Variants in GRM5 observed in about 807,000 individuals in gnomAD.
GRM5 encodes metabotropic glutamate receptor 5.
Under a neutral mutation model 83.1 loss-of-function variants are expected in GRM5, and 19 were observed. That is an observed-to-expected ratio of 0.23 (90% confidence interval 0.16 to 0.34). The LOEUF is 0.34. Among genes scored for constraint, GRM5 ranks in the 10% least tolerant of loss-of-function variants. GRM5 has a pLI of 1.00. For synonymous variants in GRM5, 675 were observed against 633.6 expected, an observed-to-expected ratio of 1.07 and a Z score of -0.98; for missense variants, 1,160 against 1,588.3, an observed-to-expected ratio of 0.73 and a Z score of 4.58.
chr11:88,845,201 C>T (rs759735599), intron 3 of GRM5, among the ~76,000 whole-genome samples: 61 of 152,134 alleles, frequency 4.0e-4, no homozygotes, highest in Non-Finnish European at 6.0e-4. Flanking sequence ...TAAGAAATTG[C>T]CACAGCCACT....
At chr11:88,518,897 A>G (rs1941600270) in intron 9 of GRM5, among the ~76,000 whole-genome samples, 1 of 151,150 alleles carries the variant, frequency 6.6e-6, no homozygotes, top group Non-Finnish European at 1.5e-5. Flanking sequence ...AGGCACTTTT[A>G]TTGAGTGGTT....
At chr11:89,046,142 C>T (rs1024733407) in intron 2 of GRM5, among the ~76,000 whole-genome samples, 9 of 152,090 alleles carry the variant, frequency 5.9e-5, no homozygotes, top group African/African-American at 1.2e-4. Flanking sequence ...ATTCACAGGA[C>T]GGTCAGAGAG....
At chr11:88,739,608 G>C (rs977850558) in intron 3 of GRM5, among the ~76,000 whole-genome samples, 1 of 152,008 alleles carries the variant, frequency 6.6e-6, no homozygotes, top group Non-Finnish European at 1.5e-5. Flanking sequence ...GGGGCGGGTT[G>C]TCCCATGTTG....
At chr11:88,786,032 T>A (rs1424243849) in intron 3 of GRM5, among the ~76,000 whole-genome samples, 1 of 152,158 alleles carries the variant, frequency 6.6e-6, no homozygotes, top group Non-Finnish European at 1.5e-5. Flanking sequence ...ATACATTTTC[T>A]GTTCTCTGCT....
chr11:88,792,318 T>C (rs1014200435), intron 3 of GRM5, among the ~76,000 whole-genome samples: 2 of 152,074 alleles, frequency 1.3e-5, no homozygotes, highest in African/African-American at 4.8e-5. Context: ...ATGAGGAACT[T>C]AGGACATTTA....
intron 3 of GRM5, among the ~76,000 whole-genome samples, chr11:88,665,907 T>C (rs114399301): frequency 1.8e-4 from 28 of 151,528 alleles, no homozygotes; most frequent in African/African-American, 6.8e-4. Flanking sequence ...TATGTGACAA[T>C]TCATTGAAGT....
At chr11:88,596,331 T>C (rs937815423) in intron 6 of GRM5, among the ~76,000 whole-genome samples, 4 of 152,120 alleles carry the variant, frequency 2.6e-5, no homozygotes, top group Non-Finnish European at 5.9e-5. Context: ...TCTTCTTTCT[T>C]GTTTCATAAA....
intron 6 of GRM5, among the ~76,000 whole-genome samples, chr11:88,595,648 T>G (rs2135216555): frequency 6.6e-6 from 1 of 152,340 alleles, no homozygotes; most frequent in South Asian, 2.1e-4. Flanking sequence ...TCCATTCATC[T>G]TGATACTCAA....
intron 2 of GRM5, among the ~76,000 whole-genome samples, chr11:89,036,388 T>C (rs1941387017): frequency 6.6e-6 from 1 of 152,134 alleles, no homozygotes; most frequent in South Asian, 2.1e-4. Flanking sequence ...CTCCACTCCA[T>C]TATGTTGTCA....
At chr11:88,735,369 C>T (rs780924185) in intron 3 of GRM5, among the ~76,000 whole-genome samples, 15 of 152,024 alleles carry the variant, frequency 9.9e-5, no homozygotes, top group Non-Finnish European at 1.6e-4. Context: ...TCAGGATAAA[C>T]GTTTTCTGTG....
At chr11:88,537,820 A>C in intron 8 of GRM5, among the ~76,000 whole-genome samples, 1 of 152,146 alleles carries the variant, frequency 6.6e-6, no homozygotes, top group Non-Finnish European at 1.5e-5. Flanking sequence ...TAAAAACAAA[A>C]ACTGAGCATG....
intron 2 of GRM5, among the ~76,000 whole-genome samples, chr11:88,857,358 A>G (rs1264975349): frequency 6.6e-6 from 1 of 152,106 alleles, no homozygotes; most frequent in Non-Finnish European, 1.5e-5. Flanking sequence ...GTCATCTCTC[A>G]TGTGAGTTGT....
intron 3 of GRM5, among the ~76,000 whole-genome samples, chr11:88,815,144 C>T (rs1024784822): frequency 6.6e-6 from 1 of 152,108 alleles, no homozygotes; most frequent in African/African-American, 2.4e-5. Context: ...CAAGGACACA[C>T]AAAACACTTA....
intron 4 of GRM5, among the ~76,000 whole-genome samples, chr11:88,625,543 G>A (rs562657057): frequency 5.3e-5 from 8 of 151,984 alleles, no homozygotes; most frequent in South Asian, 2.1e-4. Context: ...GCATCGTACC[G>A]GCATTATCCT....
intron 4 of GRM5, among the ~76,000 whole-genome samples, chr11:88,641,925 TG>T (rs915566522): frequency 5.3e-5 from 8 of 152,170 alleles, no homozygotes; most frequent in African/African-American, 1.4e-4. Flanking sequence ...TGGATGATGG[TG>T]GCCCCCTTCT....
At chr11:88,536,614 TC>T (rs951785231) in intron 8 of GRM5, among the ~76,000 whole-genome samples, 2 of 152,180 alleles carry the variant, frequency 1.3e-5, no homozygotes, top group African/African-American at 2.4e-5. Flanking sequence ...CCATGTTGGT[TC>T]CTTGAACACC....
chr11:88,536,240 C>G (rs1427998441), intron 8 of GRM5, among the ~76,000 whole-genome samples: 3 of 151,900 alleles, frequency 2.0e-5, no homozygotes, highest in Admixed American at 2.0e-4. Context: ...AAATTGTTTG[C>G]AATTATCTTT....
At chr11:88,706,698 G>GA (rs1941167506) in intron 3 of GRM5, among the ~76,000 whole-genome samples, 2 of 152,044 alleles carry the variant, frequency 1.3e-5, no homozygotes, top group South Asian at 4.1e-4. Context: ...AAATAATACA[G>GA]AAAATGTTCT....
intron 1 of GRM5, among the ~76,000 whole-genome samples, chr11:89,064,888 C>CTCTCTCTCTGTGTGTGTG (rs1218318990): frequency 6.4e-5 from 4 of 62,268 alleles, no homozygotes; most frequent in Admixed American, 1.7e-4. Context: ...CTCTCTCTCT[C>CTCTCTCTCTGTGTGTGTG]TGTGTGTGTG....
Sources: gnomAD v4.1 joint callset for allele counts (sites outside exome capture counted in the v4.1 genomes callset) on GRCh38, gnomAD v4.1.1 for gene constraint, MANE v1.5 for transcripts, NCBI Gene and HGNC (gene_info 2026-07-23, HGNC 2026-07-21) for gene names.